Variants in CDC37L1 observed in about 807,000 individuals in gnomAD.
CDC37L1 encodes hsp90 co-chaperone Cdc37-like 1.
CDC37L1 carries 32 observed loss-of-function variants against 45.9 expected under a neutral mutation model. The ratio of observed to expected loss-of-function variants is 0.70; its 90% confidence interval spans 0.53 to 0.94. The LOEUF (loss-of-function observed/expected upper bound fraction) is 0.94, where lower values mean the gene tolerates loss of function less well. Ranked by LOEUF, CDC37L1 falls within the 40% of genes least tolerant of loss-of-function variation. The probability of loss-of-function intolerance (pLI) is 0.00; values close to 1 mark genes in which losing one functional copy is unlikely to be tolerated. For missense variants in CDC37L1, 434 were observed against 405.7 expected (o/e 1.07, Z -0.60); for synonymous variants, 150 against 133.0 (o/e 1.13, Z -0.88).
At chr9:4,688,995 T>C (rs1461411667) in intron 3 of CDC37L1, among the ~76,000 whole-genome samples, 1 of 152,208 alleles carries the variant, frequency 6.6e-6, no homozygotes, top group Non-Finnish European at 1.5e-5. Flanking sequence ...ATATGATGCT[T>C]TATAATTCAG....
chr9:4,705,320 C>T (rs867293202), intron 6 of CDC37L1, among the ~76,000 whole-genome samples: 1 of 152,058 alleles, frequency 6.6e-6, no homozygotes, highest in Admixed American at 6.6e-5. Context: ...AAGGGCTATA[C>T]CCTTATTCAT....
chr9:4,707,039 TA>T lies in CDC37L1; in HGVS notation c.*932del, dbSNP rs1007667217. 29 of 124,636 alleles carry T rather than the reference TA, an allele frequency of 2.3e-4. No homozygotes were observed. Among genetic ancestry groups the T allele is most frequent in the Admixed American group, 1.7e-3 (22 of 12,690 alleles). 7.7% of individuals were successfully genotyped at this position (124,636 alleles called of 1,614,324 possible). On this transcript the variant is annotated 3_prime_UTR_variant, in exon 7 of 7. Coordinates refer to ENST00000381854, the MANE Select transcript of CDC37L1 (RefSeq NM_017913.4). The stretch of plus-strand genomic sequence containing the variant: ...ATGTAGCCTTTTAAAAAAGGAGTCT[TA>T]AAAATGATTTTTTTTTTAAAGGCAA...
chr9:4,706,870 A>C lies in CDC37L1; in HGVS notation c.*758A>C, dbSNP rs1354913436. 6.6e-6 allele frequency: 1 copy of C among 151,960 alleles called. No homozygotes were observed. Among genetic ancestry groups the C allele is most frequent in the Non-Finnish European group, 1.5e-5 (1 of 67,994 alleles). 9.4% of individuals were successfully genotyped at this position (151,960 alleles called of 1,614,324 possible). A position where few individuals can be genotyped will look rare whatever the true frequency, so the allele number is the denominator to read the frequency against. ...AACTTCAAGCTCACTCTTTCTTAAC[A>C]TAGTCTGGGATCTCTCAGGGAGTAA... On this transcript the variant is annotated 3_prime_UTR_variant, in exon 7 of 7. Coordinates refer to ENST00000381854, the MANE Select transcript of CDC37L1 (RefSeq NM_017913.4).
At chr9:4,691,882 G>C (rs914053305) in intron 3 of CDC37L1, among the ~76,000 whole-genome samples, 6 of 151,978 alleles carry the variant, frequency 3.9e-5, no homozygotes, top group Admixed American at 2.0e-4. Flanking sequence ...AAAAACAAAG[G>C]CTTTTATCTC....
Position 4,701,966 on chromosome 9 carries a change from G to A in CDC37L1, c.850G>A (p.Val284Ile), listed in dbSNP as rs755598090. The change falls in exon 6 of 7, where the codon GTT becomes ATT. Residue 284 changes from valine to isoleucine, a missense_variant. Transcript: ENST00000381854. ...ATCACAAAGTTTTCAACCTATGACA[G>A]TTCAGAATCATGTTCCCCATTCTGG... ...SQSQSFQPMT[V>I]QNHVPHSGVG... The A allele has an allele frequency of 6.4e-7, 1 of 1,557,940 alleles. No individual in the cohort carries two copies. The highest frequency in any genetic ancestry group is 8.7e-7 in the Non-Finnish European group (1 of 1,155,658).
rs140700976 is a variant in CDC37L1, at chr9:4,701,881, T to C, written c.765T>C (p.Tyr255=). Residue 255 remains tyrosine, a synonymous_variant, in exon 6 of 7, where the codon TAT becomes TAC. Coordinates refer to ENST00000381854, the MANE Select transcript of CDC37L1 (RefSeq NM_017913.4). ...TTTTCTAGGCAGAGGAAGAAGGTTATTTTGAAGCATTCAAAAATGAACTTG... is the reference window on the plus strand; with the variant it reads ...TTTTCTAGGCAGAGGAAGAAGGTTACTTTGAAGCATTCAAAAATGAACTTG... ...FQKAKAEEEG[Y]FEAFKNELEA... 4.0e-4 allele frequency: 646 copies of C among 1,602,610 alleles called. 6 individuals are homozygous for C. In the East Asian group the frequency reaches 0.013, roughly 32 times the overall value.
In CDC37L1 at chr9:4,685,083, A is replaced by T; in HGVS notation, c.339A>T (p.Lys113Asn). 1 of 1,613,952 alleles carries T rather than the reference A, an allele frequency of 6.2e-7. No homozygotes were observed. The highest frequency in any genetic ancestry group is 8.5e-7 in the Non-Finnish European group (1 of 1,179,794). ...AACGGGAAGAAGAGTGGCGACAGAA[A>T]GAAGAAGCTCTAGTACAAAGAGAGA... ...LRQREEEWRQ[K>N]EEALVQREKM... The change falls in exon 2 of 7, where the codon AAA becomes AAT. Residue 113 changes from lysine to asparagine, a missense_variant. Transcript: ENST00000381854.
At position 4,679,906 on chromosome 9, in the gene CDC37L1, A is replaced by AG; in HGVS notation, c.132+11dup. On this transcript the variant is annotated splice_region_variant and intron_variant, in intron 1 of 6. Transcript: ENST00000381854. ...GCCAGGCGGCGGCGCCCAGGTGAGA[A>AG]GGGGCCTGCGTTCTGCGGAGGGATG... 1 of 1,613,282 alleles carries AG rather than the reference A, an allele frequency of 6.2e-7. No homozygotes were observed. Among genetic ancestry groups the AG allele is most frequent in the Non-Finnish European group, 8.5e-7 (1 of 1,179,726 alleles).
chr9:4,694,848 C>T (rs1050681687), intron 3 of CDC37L1, among the ~76,000 whole-genome samples: 2 of 151,868 alleles, frequency 1.3e-5, no homozygotes, highest in African/African-American at 4.8e-5. Flanking sequence ...CCAGCCTGGG[C>T]AACAGAGTGA....
intron 1 of CDC37L1, among the ~76,000 whole-genome samples, chr9:4,681,842 C>T (rs1841196903): frequency 6.6e-6 from 1 of 152,078 alleles, no homozygotes; most frequent in Admixed American, 6.5e-5. Context: ...ATCTAGACTT[C>T]TTAATGTAGT....
At position 4,706,302 on chromosome 9, in the gene CDC37L1, A is replaced by G. The variant is rs1415339216; in HGVS notation, c.*190A>G. ...GGTTTTTTGTTTTGTTTTGTTCTGA[A>G]GAGAAGAGTGGTACCATATGTTGCA... On this transcript the variant is annotated 3_prime_UTR_variant, in exon 7 of 7. Coordinates refer to ENST00000381854, the MANE Select transcript of CDC37L1 (RefSeq NM_017913.4). The G allele has an allele frequency of 4.9e-6, 2 of 405,718 alleles. No homozygotes were observed. The highest frequency in any genetic ancestry group is 3.6e-5 in the East Asian group (1 of 28,138). 25.1% of individuals were successfully genotyped at this position (405,718 alleles called of 1,614,324 possible).
At chr9:4,702,949 A>G (rs1841413384) in intron 6 of CDC37L1, 2 of 732,958 alleles carry the variant, frequency 2.7e-6, no homozygotes, top group Non-Finnish European at 3.9e-6. Flanking sequence ...AATTTACATC[A>G]AAAAGGAGAC....
intron 6 of CDC37L1, among the ~76,000 whole-genome samples, chr9:4,702,776 C>T (rs1479275508): frequency 1.3e-5 from 2 of 150,298 alleles, no homozygotes; most frequent in East Asian, 4.0e-4. Context: ...GCAGTCCCAG[C>T]TACTCGGGAG....
chr9:4,702,864 G>C (rs1489881554), intron 6 of CDC37L1, among the ~76,000 whole-genome samples: 1 of 146,678 alleles, frequency 6.8e-6, no homozygotes, highest in African/African-American at 2.5e-5. Context: ...ACTCCAGCCT[G>C]GGCGACAGAG....
At chr9:4,683,270 T>G (rs903454251) in intron 1 of CDC37L1, among the ~76,000 whole-genome samples, 3 of 151,722 alleles carry the variant, frequency 2.0e-5, no homozygotes, top group Non-Finnish European at 4.4e-5. Context: ...TGAGTTTGCC[T>G]GAAGACTCAG....
chr9:4,696,956 C>T, intron 3 of CDC37L1, 140 bp from the exon 4 acceptor site: 1 of 569,720 alleles, frequency 1.8e-6, no homozygotes, highest in South Asian at 2.2e-5. Context: ...ATCTGTTGCT[C>T]TGGTAATATG....
chr9:4,699,380 A>C (rs1388599488), intron 5 of CDC37L1, among the ~76,000 whole-genome samples: 1 of 152,164 alleles, frequency 6.6e-6, no homozygotes, highest in Non-Finnish European at 1.5e-5. Context: ...ATCTGAAAAA[A>C]CTGACAATCT....
intron 1 of CDC37L1, among the ~76,000 whole-genome samples, chr9:4,683,059 T>C (rs1014536539): frequency 6.9e-6 from 1 of 144,174 alleles, no homozygotes; most frequent in African/African-American, 2.5e-5. Flanking sequence ...TTAAAATATA[T>C]TTTAAAATAT....
intron 3 of CDC37L1, among the ~76,000 whole-genome samples, chr9:4,692,288 A>G (rs1199416869): frequency 6.8e-6 from 1 of 147,120 alleles, no homozygotes; most frequent in Non-Finnish European, 1.5e-5. Context: ...TTTTTTTTTG[A>G]GACGAAATCT....
Sources: allele counts gnomAD v4.1 joint callset (sites outside exome capture counted in the v4.1 genomes callset), GRCh38; gene constraint gnomAD v4.1.1; transcripts MANE v1.5; gene names NCBI Gene and HGNC (gene_info 2026-07-23, HGNC 2026-07-21).